Variants in HEMK2 observed in about 807,000 individuals in gnomAD.
HEMK2 encodes the protein HemK methyltransferase 2, ETF1 glutamine and histone H4 lysine.
At chr21:28,870,611 T>G in the HEMK2 span, among the ~76,000 whole-genome samples, 26,126 of 152,052 alleles carry the variant, frequency 0.17, 2,341 homozygotes, top group South Asian at 0.23. Flanking sequence ...CTGTTGGCCA[T>G]GCTGGTCCCA....
the HEMK2 span, among the ~76,000 whole-genome samples, chr21:28,616,292 G>A: frequency 6.6e-6 from 1 of 152,110 alleles, no homozygotes; most frequent in Non-Finnish European, 1.5e-5. Context: ...CACATCATGA[G>A]ATTTTGAAAA....
chr21:28,831,522 A>AGAAAGAAAGAAAGAAG, the HEMK2 span, among the ~76,000 whole-genome samples: 1 of 51,710 alleles, frequency 1.9e-5, no homozygotes, highest in East Asian at 6.5e-4. Context: ...AAAGAAAGAA[A>AGAAAGAAAGAAAGAAG]GAAGGAAAGA....
chr21:28,670,173 A>C, the HEMK2 span, among the ~76,000 whole-genome samples: 19 of 152,276 alleles, frequency 1.2e-4, no homozygotes, highest in Admixed American at 1.1e-3. Context: ...CATGTTTTCC[A>C]TTAACTTAAA....
the HEMK2 span, among the ~76,000 whole-genome samples, chr21:28,751,140 A>G: frequency 1.2e-4 from 18 of 150,786 alleles, no homozygotes; most frequent in East Asian, 3.4e-3. Flanking sequence ...CTGAGGCAGG[A>G]GAATGGTGTG....
At chr21:28,859,922 C>T in the HEMK2 span, among the ~76,000 whole-genome samples, 5 of 152,176 alleles carry the variant, frequency 3.3e-5, no homozygotes, top group African/African-American at 1.2e-4. Context: ...TGAGCTTCAT[C>T]GTTGGAAACA....
chr21:28,646,192 T>A, the HEMK2 span, among the ~76,000 whole-genome samples: 61 of 152,294 alleles, frequency 4.0e-4, no homozygotes, highest in African/African-American at 1.4e-3. Flanking sequence ...GAGCAGCATA[T>A]GGATGACTAT....
At chr21:28,821,188 C>T in the HEMK2 span, among the ~76,000 whole-genome samples, 1 of 152,080 alleles carries the variant, frequency 6.6e-6, no homozygotes, top group African/African-American at 2.4e-5. Context: ...CACCATCACC[C>T]GACCCCGGCC....
the HEMK2 span, among the ~76,000 whole-genome samples, chr21:28,704,739 T>C: frequency 6.6e-6 from 1 of 152,186 alleles, no homozygotes; most frequent in East Asian, 1.9e-4. Context: ...TAAGATGTAC[T>C]AAAATTACTC....
the HEMK2 span, among the ~76,000 whole-genome samples, chr21:28,809,602 A>G: frequency 5.9e-5 from 9 of 152,338 alleles, no homozygotes; most frequent in African/African-American, 2.2e-4. Context: ...TTAAAATGCA[A>G]CAGCTGGAAG....
chr21:28,882,022 A>T, the HEMK2 span: 1 of 513,128 alleles, frequency 1.9e-6, no homozygotes, highest in Non-Finnish European at 3.3e-6. Flanking sequence ...AAGGTGGATT[A>T]CATCAACAAA....
chr21:28,613,930 T>C, the HEMK2 span, among the ~76,000 whole-genome samples: 1 of 57,818 alleles, frequency 1.7e-5, no homozygotes, highest in African/African-American at 7.2e-5. Flanking sequence ...GGGAAAAAGA[T>C]ACCCATGACT....
the HEMK2 span, among the ~76,000 whole-genome samples, chr21:28,601,847 A>C: frequency 6.6e-6 from 1 of 152,220 alleles, no homozygotes; most frequent in Non-Finnish European, 1.5e-5. Context: ...AAAGTGTTAC[A>C]TAACATCATT....
At chr21:28,841,237 TTTA>T in the HEMK2 span, among the ~76,000 whole-genome samples, 307 of 8,068 alleles carry the variant, frequency 0.038, 78 homozygotes, top group East Asian at 0.18. Flanking sequence ...ATTATATATA[TTTA>T]TATATATAAT....
chr21:28,791,009 A>C, the HEMK2 span, among the ~76,000 whole-genome samples: 1 of 152,168 alleles, frequency 6.6e-6, no homozygotes. Flanking sequence ...TTTTGCAAAT[A>C]AAGTAAAAGA....
chr21:28,611,770 T>C, the HEMK2 span, among the ~76,000 whole-genome samples: 1 of 152,000 alleles, frequency 6.6e-6, no homozygotes, highest in African/African-American at 2.4e-5. Context: ...TAGCTGTGCA[T>C]GGTGGTGGGC....
the HEMK2 span, among the ~76,000 whole-genome samples, chr21:28,801,017 A>T: frequency 0.2 from 31,094 of 152,268 alleles, 3,482 homozygotes; most frequent in East Asian, 0.4. Context: ...TTTACGGGTC[A>T]GGACAGAGTA....
the HEMK2 span, among the ~76,000 whole-genome samples, chr21:28,877,797 A>T: frequency 6.6e-6 from 1 of 152,190 alleles, no homozygotes; most frequent in Non-Finnish European, 1.5e-5. Flanking sequence ...AAGATATAAA[A>T]ATCTATACAA....
chr21:28,637,533 G>A, the HEMK2 span, among the ~76,000 whole-genome samples: 305 of 152,118 alleles, frequency 2.0e-3, 2 homozygotes, highest in African/African-American at 6.4e-3. Flanking sequence ...CATGACTGGC[G>A]TAGACCTCTC....
At chr21:28,766,035 TCAG>T in the HEMK2 span, among the ~76,000 whole-genome samples, 15 of 152,042 alleles carry the variant, frequency 9.9e-5, no homozygotes, top group African/African-American at 3.6e-4. Flanking sequence ...ACCATCATTC[TCAG>T]CAAAGTATCA....
Sources: allele counts gnomAD v4.1 joint callset (sites outside exome capture counted in the v4.1 genomes callset), GRCh38; gene constraint gnomAD v4.1.1; transcripts MANE v1.5; gene names NCBI Gene and HGNC (gene_info 2026-07-23, HGNC 2026-07-21).